The following CDH13 variants were observed in gnomAD, a reference collection of about 807,000 sequenced individuals.
CDH13 encodes the protein cadherin 13.
CDH13 carries 24 observed loss-of-function variants against 63.8 expected under a neutral mutation model. The ratio of observed to expected loss-of-function variants is 0.38; its 90% confidence interval spans 0.27 to 0.53. The LOEUF is 0.53. Ranked by LOEUF, CDH13 falls within the 20% of genes least tolerant of loss-of-function variation. The pLI, the probability that CDH13 is intolerant of heterozygous loss-of-function variation, is 0.85. For synonymous variants in CDH13, 503 were observed against 355.3 expected, an observed-to-expected ratio of 1.42 and a Z score of -4.67; for missense variants, 1,049 against 903.1, an observed-to-expected ratio of 1.16 and a Z score of -2.07.
chr16:82,743,052 C>T (rs2034004040), intron 1 of CDH13, among the ~76,000 whole-genome samples: 1 of 152,096 alleles, frequency 6.6e-6, no homozygotes, highest in African/African-American at 2.4e-5. Flanking sequence ...ACAATGTGAA[C>T]AGAATAGTAT....
intron 5 of CDH13, among the ~76,000 whole-genome samples, chr16:83,327,684 G>C (rs935950261): frequency 6.6e-6 from 1 of 152,188 alleles, no homozygotes; most frequent in South Asian, 2.1e-4. Flanking sequence ...TGAGTAATGA[G>C]AAGGAGTTAC....
At chr16:83,395,337 A>C (rs556321119) in intron 6 of CDH13, among the ~76,000 whole-genome samples, 1 of 151,594 alleles carries the variant, frequency 6.6e-6, no homozygotes, top group South Asian at 2.1e-4. Context: ...GTCAAGGAAG[A>C]TCAAATACTC....
chr16:83,687,916 A>T (rs1904474629), intron 10 of CDH13, among the ~76,000 whole-genome samples: 1 of 152,196 alleles, frequency 6.6e-6, no homozygotes, highest in Non-Finnish European at 1.5e-5. Context: ...TGAAAACTAC[A>T]ACTGCTTTGT....
At chr16:83,602,665 G>A (rs935504060) in intron 8 of CDH13, 71 bp downstream of exon 8, 176 of 1,477,916 alleles carry the variant, frequency 1.2e-4, no homozygotes, top group Non-Finnish European at 3.5e-5. Context: ...GTTAATTCAC[G>A]TACCACAGCA....
chr16:83,269,256 C>T (rs73595905), intron 5 of CDH13, among the ~76,000 whole-genome samples: 1,987 of 152,248 alleles, frequency 0.013, 36 homozygotes, highest in African/African-American at 0.045. Flanking sequence ...TCTTATGAGG[C>T]CCCTCCCCAG....
At chr16:82,671,803 A>G (rs549967850) in intron 1 of CDH13, among the ~76,000 whole-genome samples, 1 of 151,444 alleles carries the variant, frequency 6.6e-6, no homozygotes, top group Non-Finnish European at 1.5e-5. Flanking sequence ...TTTTCTATTC[A>G]TGACCCTTTG....
chr16:83,697,461 G>T (rs1194741584), intron 10 of CDH13, among the ~76,000 whole-genome samples: 10 of 152,250 alleles, frequency 6.6e-5, no homozygotes, highest in Non-Finnish European at 1.3e-4. Context: ...AGAAACAGGT[G>T]TTAGGATAAC....
chr16:83,176,594 G>T (rs1277702237), intron 4 of CDH13, among the ~76,000 whole-genome samples: 1 of 151,090 alleles, frequency 6.6e-6, no homozygotes, highest in Admixed American at 6.6e-5. Context: ...TGGGGGTCCA[G>T]TTCATCCCCA....
intron 10 of CDH13, among the ~76,000 whole-genome samples, chr16:83,725,293 A>T (rs1189797339): frequency 6.6e-6 from 1 of 152,188 alleles, no homozygotes; most frequent in Non-Finnish European, 1.5e-5. Context: ...CACAGGCAGG[A>T]CTGCAACGGG....
At chr16:83,007,078 G>A (rs976814402) in intron 2 of CDH13, among the ~76,000 whole-genome samples, 2 of 151,846 alleles carry the variant, frequency 1.3e-5, no homozygotes, top group African/African-American at 2.4e-5. Flanking sequence ...CATGCACCAC[G>A]CCCAGCTAAT....
At chr16:83,051,963 G>A (rs965775898) in intron 3 of CDH13, among the ~76,000 whole-genome samples, 1 of 151,766 alleles carries the variant, frequency 6.6e-6, no homozygotes, top group African/African-American at 2.4e-5. Flanking sequence ...CTTTGTCCTT[G>A]TTAACATTAA....
intron 1 of CDH13, among the ~76,000 whole-genome samples, chr16:82,782,714 G>A (rs2035820125): frequency 6.6e-6 from 1 of 152,086 alleles, no homozygotes; most frequent in South Asian, 2.1e-4. Flanking sequence ...AAAATGCCAA[G>A]AACAAAAGCA....
chr16:83,699,924 C>T (rs780899832), intron 10 of CDH13, among the ~76,000 whole-genome samples: 2 of 152,174 alleles, frequency 1.3e-5, no homozygotes, highest in Non-Finnish European at 2.9e-5. Flanking sequence ...TCTTTTTAAA[C>T]AGCTCCATGG....
intron 1 of CDH13, among the ~76,000 whole-genome samples, chr16:82,843,652 G>A (rs1291041918): frequency 6.6e-6 from 1 of 152,150 alleles, no homozygotes; most frequent in African/African-American, 2.4e-5. Flanking sequence ...TTACAAAAAG[G>A]ACTTTGGTTC....
intron 1 of CDH13, among the ~76,000 whole-genome samples, chr16:82,696,549 G>T (rs1453112552): frequency 6.6e-6 from 1 of 152,186 alleles, no homozygotes; most frequent in Admixed American, 6.5e-5. Flanking sequence ...AAAAGTCATT[G>T]ATTCAGGTGA....
rs1915408460 is a variant in CDH13 at position 83,779,983 on chromosome 16, C to T, written c.1697C>T (p.Thr566Met). The change falls in exon 12 of 14, where the codon ACG (threonine) becomes ATG (methionine). Residue 566 changes from threonine to methionine, a missense_variant. Physicochemically the swap from Thr to Met is moderately conservative, Grantham distance 81. Coordinates refer to ENST00000567109, the MANE Select transcript of CDH13 (RefSeq NM_001257.5). ...TTTCCCACAGGCAACCCTCCCGCTA[C>T]GGGCACTGGGACTTTGCTGATAACC... Reference protein sequence around the residue: ...LAIDSGNPPATGTGTLLITLE... With the variant: ...LAIDSGNPPAMGTGTLLITLE... The T allele has an allele frequency of 1.9e-6, 3 of 1,608,916 alleles. No individual in the cohort carries two copies. The highest frequency in any genetic ancestry group is 1.3e-5 in the African/African-American group (1 of 74,850).
intron 7 of CDH13, among the ~76,000 whole-genome samples, chr16:83,490,560 T>G (rs1278388467): frequency 6.6e-6 from 1 of 152,154 alleles, no homozygotes; most frequent in African/African-American, 2.4e-5. Flanking sequence ...CCACTATTCT[T>G]GAAAGAGTCT....
chr16:83,582,810 A>T (rs562990499), intron 7 of CDH13, among the ~76,000 whole-genome samples: 2 of 152,356 alleles, frequency 1.3e-5, no homozygotes, highest in African/African-American at 4.8e-5. Flanking sequence ...GCAGAGTCCG[A>T]TCAACCGTGT....
intron 4 of CDH13, among the ~76,000 whole-genome samples, chr16:83,209,771 G>A (rs2039287281): frequency 6.6e-6 from 1 of 152,112 alleles, no homozygotes; most frequent in Non-Finnish European, 1.5e-5. Flanking sequence ...TTGCAGGCGA[G>A]GAGGGCTAGA....
Sources: allele counts gnomAD v4.1 joint callset (sites outside exome capture counted in the v4.1 genomes callset), GRCh38; gene constraint gnomAD v4.1.1; transcripts MANE v1.5; gene names NCBI Gene and HGNC (gene_info 2026-07-23, HGNC 2026-07-21).